Variants in RIPK1 observed in about 807,000 individuals in gnomAD.
RIPK1 encodes receptor interacting serine/threonine kinase 1.
A neutral mutation model predicts 62.4 loss-of-function variants in RIPK1; 27 were observed. The ratio of observed to expected loss-of-function variants is 0.43; its 90% CI spans 0.32 to 0.60. The LOEUF (loss-of-function observed/expected upper bound fraction) is 0.60, where lower values mean the gene tolerates loss of function less well. Ranked by LOEUF, RIPK1 falls within the 20% of genes least tolerant of loss-of-function variation. RIPK1 has a pLI of 0.07. For missense variants in RIPK1, 735 were observed against 831.0 expected (o/e 0.88, Z 1.42); for synonymous variants, 287 against 303.2 (o/e 0.95, Z 0.55).
intron 7 of RIPK1, among the ~76,000 whole-genome samples, chr6:3,098,373 G>A (rs1001941029): frequency 6.6e-6 from 1 of 152,166 alleles, no homozygotes; most frequent in Non-Finnish European, 1.5e-5. Flanking sequence ...CCAAAAAAGT[G>A]CACAACTTTA....
At chr6:3,097,491 AG>A (rs1180167309) in intron 7 of RIPK1, among the ~76,000 whole-genome samples, 1 of 152,228 alleles carries the variant, frequency 6.6e-6, no homozygotes, top group African/African-American at 2.4e-5. Flanking sequence ...GCAGTGGGGA[AG>A]TGACAGTCTT....
chr6:3,111,643 A>G (rs1761164191), intron 10 of RIPK1, among the ~76,000 whole-genome samples: 2 of 152,182 alleles, frequency 1.3e-5, no homozygotes, highest in South Asian at 4.1e-4. Flanking sequence ...ATGAATGAGC[A>G]CGGCTGTGTT....
intron 6 of RIPK1, among the ~76,000 whole-genome samples, chr6:3,087,722 G>A (rs1221641580): frequency 2.0e-5 from 3 of 151,962 alleles, no homozygotes; most frequent in African/African-American, 7.3e-5. Context: ...TGTATTTTTA[G>A]TAGAGACGGG....
intron 4 of RIPK1, among the ~76,000 whole-genome samples, chr6:3,081,477 ATC>A (rs1759378541): frequency 6.6e-6 from 1 of 152,178 alleles, no homozygotes; most frequent in Non-Finnish European, 1.5e-5. Context: ...TCTCCAGGAA[ATC>A]TGTGTCACCA....
Position 3,106,027 on chromosome 6 carries a change from C to G in RIPK1, c.1552C>G (p.Pro518Ala). 6.2e-7 allele frequency: 1 copy of G among 1,604,716 alleles called. No individual in the cohort carries two copies. Among genetic ancestry groups the G allele is most frequent in the South Asian group, 1.1e-5 (1 of 90,674 alleles). Residue 518 changes from proline (P) to alanine (A), a missense_variant, in exon 9 of 11, where the codon CCA becomes GCA. Pro to Ala is a conservative substitution (Grantham distance 27). Transcript: ENST00000259808. ...CTATCTAGGAAATACACCCACCATG[C>G]CATTCAGCTCCTTGCCACCAACAGG... is the stretch of plus-strand genomic sequence containing the variant. ...TNYLGNTPTM[P>A]FSSLPPTDES...
intron 7 of RIPK1, among the ~76,000 whole-genome samples, chr6:3,098,284 G>A (rs1170041040): frequency 2.0e-5 from 3 of 152,168 alleles, no homozygotes; most frequent in East Asian, 1.9e-4. Context: ...TGTATAAATC[G>A]GAAAGGAAAA....
intron 7 of RIPK1, among the ~76,000 whole-genome samples, 181 bp downstream of exon 7, chr6:3,089,838 C>T (rs1473832462): frequency 6.6e-6 from 1 of 152,208 alleles, no homozygotes; most frequent in Non-Finnish European, 1.5e-5. Flanking sequence ...CCCATTTCTC[C>T]TTCAAAACTC....
chr6:3,068,190 G>A (rs1043831213), upstream of RIPK1: 1 of 984,040 alleles, frequency 1.0e-6, no homozygotes, highest in Non-Finnish European at 1.2e-6. Context: ...ACAGATGAAG[G>A]TAGAGGAATG....
At position 3,094,184 on chromosome 6, in the gene RIPK1, T is replaced by C. The variant is rs5029673; in HGVS notation, c.915+4527T>C. Reference sequence around the variant, plus strand: ...TAGTAACTGTAGCGTACCTACCTGCTGCACCTAGTAACTGCAGAGTACCTA... The same window carrying C: ...TAGTAACTGTAGCGTACCTACCTGCCGCACCTAGTAACTGCAGAGTACCTA... On this transcript the variant is annotated intron_variant, in intron 7 of 10. Coordinates refer to ENST00000259808, the MANE Select transcript of RIPK1 (RefSeq NM_001354930.2). Among the ~76,000 whole-genome samples the C allele has an allele frequency of 5.6e-3, 677 of 121,010 alleles. 49 individuals are homozygous for C. The highest frequency in any genetic ancestry group is 0.049 in the South Asian group (191 of 3,926). The allele number at this position is 121,010 out of a possible 152,430, so 79.4% of individuals were successfully genotyped here.
intron 2 of RIPK1, 129 bp from the exon 3 acceptor site, chr6:3,077,650 G>A: frequency 2.0e-6 from 2 of 976,252 alleles, no homozygotes; most frequent in Non-Finnish European, 3.0e-6. Context: ...CTTCTGGCCT[G>A]TGCCTGGAAG....
rs947670835 is a variant in RIPK1 at position 3,115,043 on chromosome 6, G to A, written c.*1704G>A. 6.6e-6 allele frequency: 1 copy of A among 152,144 alleles called. No individual in the cohort carries two copies. The highest frequency in any genetic ancestry group is 2.4e-5 in the African/African-American group (1 of 41,408). 9.4% of individuals were successfully genotyped at this position (152,144 alleles called of 1,614,324 possible). ...GCTCCAGGCTTTGCTGGAGGGGCCT[G>A]GGTGAGTTCTGTTTGCTCCTTGTAC... On this transcript the variant is annotated 3_prime_UTR_variant, in exon 11 of 11. Transcript: ENST00000259808.
intron 7 of RIPK1, among the ~76,000 whole-genome samples, chr6:3,098,833 G>C (rs1215370398): frequency 2.0e-5 from 3 of 152,212 alleles, no homozygotes; most frequent in African/African-American, 7.2e-5. Context: ...AAGTCAGAAG[G>C]CAACGAAGCC....
intron 8 of RIPK1, among the ~76,000 whole-genome samples, chr6:3,104,910 A>G (rs1760765035): frequency 6.6e-6 from 1 of 152,010 alleles, no homozygotes; most frequent in African/African-American, 2.4e-5. Flanking sequence ...GGAGTGCAGT[A>G]GTGTGATCTT....
chr6:3,072,709 G>C lies in RIPK1; in HGVS notation c.-61+4048G>C, dbSNP rs1758791083. Among the ~76,000 whole-genome samples the C allele has an allele frequency of 1.3e-5, 2 of 152,130 alleles. No homozygotes were observed. The highest frequency in any genetic ancestry group is 1.3e-4 in the Admixed American group (2 of 15,270). Reference sequence around the variant, plus strand: ...TCTTACCTATGGAAGTGTCTAATGGGAAGACTTAGGATGGCTTCCTTGACA... The same window carrying C: ...TCTTACCTATGGAAGTGTCTAATGGCAAGACTTAGGATGGCTTCCTTGACA... On this transcript the variant is annotated intron_variant, in intron 1 of 10. Transcript: ENST00000259808. This position sits in a 1 kb window ranked among gnomAD's most constrained non-coding sequence, Gnocchi z 5.6.
At chr6:3,089,255 T>C (rs1019997110) in intron 6 of RIPK1, among the ~76,000 whole-genome samples, 4 of 152,106 alleles carry the variant, frequency 2.6e-5, no homozygotes, top group Non-Finnish European at 5.9e-5. Context: ...AACAGAAACA[T>C]GGAGTTCGCC....
upstream of RIPK1, among the ~76,000 whole-genome samples, chr6:3,066,965 A>C (rs1200362223): frequency 6.6e-6 from 1 of 150,962 alleles, no homozygotes; most frequent in Admixed American, 6.6e-5. Context: ...CTTTTCCAGA[A>C]TGTCACATAG....
At chr6:3,068,386 G>A, upstream of RIPK1, 1 of 985,468 alleles carries the variant, frequency 1.0e-6, no homozygotes, top group Non-Finnish European at 1.2e-6. Context: ...CCGCAAGAGA[G>A]CTCCGGGACT....
In RIPK1 at chr6:3,072,360, T is replaced by A. The variant is rs1034917707; in HGVS notation, c.-61+3699T>A. Among the ~76,000 whole-genome samples, 4 of 149,978 alleles carry A rather than the reference T, an allele frequency of 2.7e-5. No individual in the cohort carries two copies. The highest frequency in any genetic ancestry group is 4.2e-4 in the South Asian group (2 of 4,742). On this transcript the variant is annotated intron_variant, in intron 1 of 10. Coordinates refer to ENST00000259808, the MANE Select transcript of RIPK1 (RefSeq NM_001354930.2). This position sits in a 1 kb window ranked among gnomAD's most constrained non-coding sequence, Gnocchi z 5.6. ...AACATTTTGGTGTCTTTATGTCTTT[T>A]TTATCTGTACTTATATCTTTATCTA...
intron 5 of RIPK1, among the ~76,000 whole-genome samples, chr6:3,083,737 T>C (rs979249123): frequency 1.3e-5 from 2 of 152,198 alleles, no homozygotes; most frequent in Non-Finnish European, 2.9e-5. Flanking sequence ...TGATGGATGT[T>C]GTCCTACATA....
Sources: allele counts gnomAD v4.1 joint callset (sites outside exome capture counted in the v4.1 genomes callset), GRCh38; gene constraint gnomAD v4.1.1; non-coding constraint Gnocchi (gnomAD v3.1); transcripts MANE v1.5; gene names NCBI Gene and HGNC (gene_info 2026-07-23, HGNC 2026-07-21).